BAAT: variants seen among roughly 807,000 people sequenced by gnomAD.
BAAT encodes bile acid-CoA:amino acid N-acyltransferase.
In BAAT, 13 loss-of-function variants were observed where a neutral mutation model predicts 18.9. That is an observed-to-expected ratio of 0.69 (90% CI 0.45 to 1.10). The LOEUF is 1.10. BAAT is among the 50% of genes least tolerant of loss of function. The probability of loss-of-function intolerance (pLI) is 0.00; values close to 1 mark genes in which losing one functional copy is unlikely to be tolerated. For missense variants in BAAT, 489 were observed against 504.0 expected (o/e 0.97, Z 0.28); for synonymous variants, 170 against 190.7 (o/e 0.89, Z 0.89).
chr9:101,367,471 G>A (rs1443506094), intron 3 of BAAT, among the ~76,000 whole-genome samples: 3 of 151,104 alleles, frequency 2.0e-5, no homozygotes, highest in African/African-American at 7.3e-5. Context: ...GTATTGCCAG[G>A]TTCTATGATA....
chr9:101,369,916 C>T (rs7048634), intron 2 of BAAT, among the ~76,000 whole-genome samples: 27,259 of 151,942 alleles, frequency 0.18, 2,877 homozygotes, highest in African/African-American at 0.28. Context: ...AAACTATGAG[C>T]GTTCTGATAA....
intron 1 of BAAT, among the ~76,000 whole-genome samples, chr9:101,384,535 A>G (rs1230673233): frequency 6.6e-6 from 1 of 152,238 alleles, no homozygotes; most frequent in African/African-American, 2.4e-5. Flanking sequence ...CCACTTTGGA[A>G]AGCAATTGGA....
chr9:101,378,416 A>G (rs963830505), intron 1 of BAAT, among the ~76,000 whole-genome samples: 20 of 152,202 alleles, frequency 1.3e-4, no homozygotes, highest in African/African-American at 4.8e-4. Context: ...GGCCTCAGAA[A>G]TAACACTACA....
intron 2 of BAAT, among the ~76,000 whole-genome samples, chr9:101,370,139 C>T (rs1829906011): frequency 6.6e-6 from 1 of 151,964 alleles, no homozygotes; most frequent in African/African-American, 2.4e-5. Context: ...GTACAAGGAT[C>T]TGGGATATGG....
chr9:101,376,823 A>G (rs901439898), intron 1 of BAAT, among the ~76,000 whole-genome samples: 5 of 152,114 alleles, frequency 3.3e-5, no homozygotes, highest in African/African-American at 1.2e-4. Context: ...AAATAAATAG[A>G]TCTAAAAGTT....
At chr9:101,377,958 A>G (rs1372217919) in intron 1 of BAAT, among the ~76,000 whole-genome samples, 1 of 152,168 alleles carries the variant, frequency 6.6e-6, no homozygotes, top group African/African-American at 2.4e-5. Flanking sequence ...CTATACCAAT[A>G]TTAGACAAGC....
Position 101,371,034 on chromosome 9 carries a change from G to T in BAAT, c.371C>A (p.Ala124Asp), listed in dbSNP as rs1043872994. ...VNNKVASAPK[A>D]SLTLERWYVA... ...ATACCACCTCTCCAAAGTCAGGCTG[G>T]CCTTTGGAGCACTGGCAACTTTATT... The change falls in exon 2 of 4, where the codon GCC becomes GAC. Residue 124 changes from alanine (A) to aspartate (D), a missense_variant. Ala to Asp is a moderately radical substitution (Grantham distance 126). Transcript: ENST00000259407. 6 of 1,614,090 alleles carry T rather than the reference G, an allele frequency of 3.7e-6. No homozygotes were observed. Among genetic ancestry groups the T allele is most frequent in the Non-Finnish European group, 5.1e-6 (6 of 1,180,012 alleles).
At chr9:101,373,902 T>G (rs1829998608) in intron 1 of BAAT, among the ~76,000 whole-genome samples, 1 of 152,218 alleles carries the variant, frequency 6.6e-6, no homozygotes, top group African/African-American at 2.4e-5. Context: ...CAAGGTACAA[T>G]GTAATTCTAT....
At chr9:101,381,578 G>A (rs1830133234) in intron 1 of BAAT, among the ~76,000 whole-genome samples, 1 of 152,042 alleles carries the variant, frequency 6.6e-6, no homozygotes, top group African/African-American at 2.4e-5. Context: ...AAGACAGATT[G>A]TCAAACTAAT....
At position 101,368,315 on chromosome 9, in the gene BAAT, A is replaced by C; in HGVS notation, c.474T>G (p.Gly158=). 1 of 1,612,078 alleles carries C rather than the reference A, an allele frequency of 6.2e-7. No individual in the cohort carries two copies. Among genetic ancestry groups the C allele is most frequent in the Non-Finnish European group, 8.5e-7 (1 of 1,179,806 alleles). The change falls in exon 3 of 4, where the codon GGT becomes GGG. Residue 158 remains glycine (G), a synonymous_variant. Transcript: ENST00000259407. ...RGALFLPPGE[G]LFPGVIDLFG... The stretch of plus-strand genomic sequence containing the variant: ...ACAAATCAATTACCCCTGGGAAGAG[A>C]CCCTCTCCTGAAAAATAACAAAACA...
chr9:101,380,920 T>C (rs989140167), intron 1 of BAAT, among the ~76,000 whole-genome samples: 4 of 151,434 alleles, frequency 2.6e-5, no homozygotes, highest in Non-Finnish European at 4.4e-5. Flanking sequence ...GCCTGGCCAA[T>C]TTTTTTGTGT....
At chr9:101,383,613 CCTCTTG>C (rs375655271) in intron 1 of BAAT, 105 of 152,262 alleles carry the variant, frequency 6.9e-4, no homozygotes, top group African/African-American at 2.4e-3. Context: ...TCACCACATA[CCTCTTG>C]CTCTAGTTTC....
chr9:101,375,802 G>C (rs1011558569), intron 1 of BAAT, among the ~76,000 whole-genome samples: 1 of 152,222 alleles, frequency 6.6e-6, no homozygotes, highest in African/African-American at 2.4e-5. Flanking sequence ...GAGCGCACTA[G>C]CTGCGATTCC....
rs777387361 is a variant in BAAT at position 101,366,884 on chromosome 9, G to A, written c.669+1236C>T. Among the ~76,000 whole-genome samples the A allele has an allele frequency of 1.1e-3, 167 of 151,910 alleles. 2 individuals carry two copies. Among genetic ancestry groups the A allele is most frequent in the Non-Finnish European group, 4.0e-4 (27 of 67,944 alleles). ...AAAAAAAAAAATAGAGGCCAAGGCA[G>A]GTGGATCACTTGAGGTCAGGAGTTG... is the stretch of plus-strand genomic sequence containing the variant. On this transcript the variant is annotated intron_variant, in intron 3 of 3. Coordinates refer to ENST00000259407, the MANE Select transcript of BAAT (RefSeq NM_001701.4).
rs191517063 is a variant in BAAT at position 101,380,999 on chromosome 9, C to T, written c.-60+3856G>A. Reference sequence around the variant, plus strand: ...CTCAAACTCCTGACCTCAAATGATCCGCCTGCCTCAGCCTCCCAAAGTGCT... The same window carrying T: ...CTCAAACTCCTGACCTCAAATGATCTGCCTGCCTCAGCCTCCCAAAGTGCT... On this transcript the variant is annotated intron_variant, in intron 1 of 3. Transcript: ENST00000259407. 7.6e-4 allele frequency among the ~76,000 whole-genome samples: 116 copies of T among 151,992 alleles called. 1 individual carries two copies. Among genetic ancestry groups the T allele is most frequent in the Admixed American group, 4.6e-4 (7 of 15,274 alleles).
intron 1 of BAAT, among the ~76,000 whole-genome samples, chr9:101,374,522 C>T (rs971735848): frequency 1.3e-5 from 2 of 152,168 alleles, no homozygotes; most frequent in Middle Eastern, 3.4e-3. Flanking sequence ...TTAAAAATAT[C>T]TCTCATGAAG....
rs774171792 is a variant in BAAT at position 101,371,145 on chromosome 9, A to G, written c.260T>C (p.Leu87Pro). The G allele has an allele frequency of 6.2e-7, 1 of 1,614,184 alleles. No individual in the cohort carries two copies. Among genetic ancestry groups the G allele is most frequent in the Admixed American group, 1.7e-5 (1 of 60,012 alleles). ...GLFWSLKPEKLLTRLLKRDVM... is the reference protein window; with the variant it reads ...GLFWSLKPEKPLTRLLKRDVM... ...ATCTCTTTTCAACAGTCTTGTTAATAGCTTTTCAGGTTTCAGAGACCAGAA... is the reference window on the plus strand; with the variant it reads ...ATCTCTTTTCAACAGTCTTGTTAATGGCTTTTCAGGTTTCAGAGACCAGAA... Residue 87 changes from leucine to proline, a missense_variant, in exon 2 of 4, where the codon CTA (leucine) becomes CCA (proline). Coordinates refer to ENST00000259407, the MANE Select transcript of BAAT (RefSeq NM_001701.4).
At position 101,361,144 on chromosome 9, in the gene BAAT, G is replaced by T. The variant is rs1485516319; in HGVS notation, c.*1284C>A. On this transcript the variant is annotated 3_prime_UTR_variant, in exon 4 of 4. Transcript: ENST00000259407. ...TGATAAAGACTATGAGGAGAATGAA[G>T]TAGGAGAAGCTGATGAAAAGTGGGT... The T allele has an allele frequency of 1.9e-5, 3 of 155,576 alleles. No homozygotes were observed. Among genetic ancestry groups the T allele is most frequent in the African/African-American group, 7.2e-5 (3 of 41,546 alleles). 9.6% of individuals were successfully genotyped at this position (155,576 alleles called of 1,614,324 possible).
intron 3 of BAAT, among the ~76,000 whole-genome samples, chr9:101,364,910 C>T (rs750518690): frequency 8.6e-5 from 13 of 152,034 alleles, no homozygotes; most frequent in Admixed American, 3.3e-4. Context: ...CTTAAGCAAG[C>T]GAGTAAAATA....
Sources: allele counts gnomAD v4.1 joint callset (sites outside exome capture counted in the v4.1 genomes callset), GRCh38; gene constraint gnomAD v4.1.1; transcripts MANE v1.5; gene names NCBI Gene and HGNC (gene_info 2026-07-23, HGNC 2026-07-21).